PCDH15: variants seen among roughly 807,000 people sequenced by gnomAD.
The protein encoded by PCDH15 is protocadherin-15.
PCDH15 carries 129 observed loss-of-function variants against 178.5 expected under a neutral mutation model. The observed-to-expected ratio is 0.72, with a 90% CI of 0.63 to 0.84. The LOEUF (loss-of-function observed/expected upper bound fraction) is 0.84. Ranked by LOEUF, PCDH15 falls within the 40% of genes least tolerant of loss-of-function variation. The pLI, the probability that PCDH15 is intolerant of heterozygous loss-of-function variation, is 0.00. For missense variants in PCDH15, 2,230 were observed against 2,099.9 expected (o/e 1.06, Z -1.21); for synonymous variants, 800 against 732.0 (o/e 1.09, Z -1.50).
intron 8 of PCDH15, among the ~76,000 whole-genome samples, chr10:54,240,164 G>C (rs1020253029): frequency 6.6e-6 from 1 of 151,930 alleles, no homozygotes; most frequent in Non-Finnish European, 1.5e-5. Context: ...ATTCATATAA[G>C]CAAGAACAAC....
intron 2 of PCDH15, among the ~76,000 whole-genome samples, chr10:54,618,167 A>G (rs2093240180): frequency 6.6e-6 from 1 of 152,116 alleles, no homozygotes; most frequent in Admixed American, 6.6e-5. Context: ...TTTTCTATAG[A>G]CAAAGTATGT....
At chr10:54,307,745 A>C (rs1002227910) in intron 8 of PCDH15, among the ~76,000 whole-genome samples, 5 of 152,026 alleles carry the variant, frequency 3.3e-5, no homozygotes, top group Non-Finnish European at 7.4e-5. Context: ...AAAATCCAAA[A>C]TAATACTGAA....
chr10:55,397,830 C>T (rs1837966687), intron 2 of PCDH15, among the ~76,000 whole-genome samples: 1 of 151,770 alleles, frequency 6.6e-6, no homozygotes, highest in Admixed American at 6.6e-5. Flanking sequence ...ACCTCATGAT[C>T]CGCCCGCCTC....
At position 54,369,151 on chromosome 10, in the gene PCDH15, T is replaced by G; in HGVS notation, c.443A>C (p.Lys148Thr). Residue 148 changes from lysine (K) to threonine (T), a missense_variant, in exon 5 of 38, where the codon AAG becomes ACG. Physicochemically the swap from Lys to Thr is moderately conservative, Grantham distance 78. Coordinates refer to ENST00000644397, the MANE Select transcript of PCDH15 (RefSeq NM_001384140.1). The part of the protein sequence containing the change: ...RDRNDNSPTF[K>T]HESYYATVNE... Reference sequence around the variant, plus strand: ...CACTGTGGCATAGTAGCTTTCATGCTTGAAAGTGGGTGAGTTGTCATTCCT... The same window carrying G: ...CACTGTGGCATAGTAGCTTTCATGCGTGAAAGTGGGTGAGTTGTCATTCCT... The G allele has an allele frequency of 6.2e-7, 1 of 1,613,046 alleles. No individual in the cohort carries two copies. The highest frequency in any genetic ancestry group is 1.1e-5 in the South Asian group (1 of 91,056).
At chr10:54,110,235 G>A (rs1170433415) in intron 15 of PCDH15, among the ~76,000 whole-genome samples, 1 of 150,660 alleles carries the variant, frequency 6.6e-6, no homozygotes, top group Non-Finnish European at 1.5e-5. Context: ...GTTTAACCCA[G>A]TGACATTTAC....
intron 18 of PCDH15, among the ~76,000 whole-genome samples, chr10:54,031,697 C>G (rs760290422): frequency 1.3e-5 from 2 of 152,038 alleles, no homozygotes; most frequent in Admixed American, 6.6e-5. Context: ...ACTAAGTAAG[C>G]ATTAGGAAGA....
chr10:54,739,389 G>A (rs571701318), intron 1 of PCDH15, among the ~76,000 whole-genome samples: 1 of 151,712 alleles, frequency 6.6e-6, no homozygotes, highest in South Asian at 2.1e-4. Context: ...ATCTTTACTG[G>A]AAAACTGGAA....
intron 3 of PCDH15, among the ~76,000 whole-genome samples, chr10:54,398,231 TA>T (rs111478385): frequency 0.045 from 6,771 of 151,236 alleles, 491 homozygotes; most frequent in African/African-American, 0.15. Context: ...CTTGCTTGTT[TA>T]AAAAAAAATT....
intron 2 of PCDH15, among the ~76,000 whole-genome samples, chr10:54,612,266 G>A (rs2092986776): frequency 6.6e-6 from 1 of 151,752 alleles, no homozygotes; most frequent in Admixed American, 6.6e-5. Flanking sequence ...AGTGAAATAA[G>A]GGACATATCT....
intron 2 of PCDH15, among the ~76,000 whole-genome samples, chr10:55,525,605 T>A (rs1316796283): frequency 6.6e-6 from 1 of 151,892 alleles, no homozygotes; most frequent in African/African-American, 2.4e-5. Context: ...TTCTTGTAAG[T>A]TGAAAGACTC....
At chr10:55,154,995 A>G (rs1000956962) in intron 2 of PCDH15, among the ~76,000 whole-genome samples, 98 of 152,238 alleles carry the variant, frequency 6.4e-4, no homozygotes, top group African/African-American at 2.2e-3. Flanking sequence ...TAAAGCAACT[A>G]TTTTTAGTTC....
rs919418504 is a variant in PCDH15 at position 55,567,538 on chromosome 10, T to C, written c.-156+60087A>G. Among the ~76,000 whole-genome samples the C allele has an allele frequency of 4.6e-5, 7 of 151,452 alleles. No individual in the cohort carries two copies. In the East Asian group the frequency reaches 5.8e-4, roughly 13 times the overall value. On this transcript the variant is annotated intron_variant, in intron 2 of 5. Transcript: ENST00000613346. ...TGGAAGAAAATATTTGCAGAACATA[T>C]ATCTAGTAAAGGATTAATATTCAGA...
chr10:55,082,867 T>C (rs114745327), intron 2 of PCDH15, among the ~76,000 whole-genome samples: 2,375 of 151,878 alleles, frequency 0.016, 66 homozygotes, highest in African/African-American at 0.054. Context: ...AAAACCTTAA[T>C]AGGCCAATAG....
intron 2 of PCDH15, among the ~76,000 whole-genome samples, chr10:55,437,192 G>A (rs1296857264): frequency 1.3e-5 from 2 of 149,590 alleles, no homozygotes; most frequent in Non-Finnish European, 3.0e-5. Context: ...ATTTACAGAG[G>A]AAGCAGGAGA....
intron 4 of PCDH15, among the ~76,000 whole-genome samples, chr10:54,371,615 T>C (rs1410968727): frequency 6.6e-6 from 1 of 151,824 alleles, no homozygotes; most frequent in Admixed American, 6.6e-5. Context: ...GGGCTTCTCT[T>C]AATCCAAATT....
At chr10:55,111,893 T>C (rs1837517147) in intron 2 of PCDH15, among the ~76,000 whole-genome samples, 1 of 152,166 alleles carries the variant, frequency 6.6e-6, no homozygotes, top group Non-Finnish European at 1.5e-5. Context: ...TTTTTCAAAT[T>C]GCTGTTTCAC....
chr10:55,310,940 A>G (rs1843570102), intron 1 of PCDH15, among the ~76,000 whole-genome samples: 1 of 152,172 alleles, frequency 6.6e-6, no homozygotes, highest in African/African-American at 2.4e-5. Context: ...AGGTTGATGG[A>G]TGCAGAAAAT....
At chr10:54,053,606 A>G (rs2093823668) in intron 18 of PCDH15, among the ~76,000 whole-genome samples, 1 of 152,204 alleles carries the variant, frequency 6.6e-6, no homozygotes, top group Admixed American at 6.5e-5. Context: ...AGTTATCTTT[A>G]AAAAATGGAG....
intron 3 of PCDH15, among the ~76,000 whole-genome samples, chr10:54,401,037 G>A (rs536477514): frequency 1.3e-5 from 2 of 151,848 alleles, no homozygotes; most frequent in Admixed American, 6.6e-5. Context: ...ATGTATTTTC[G>A]AAACCATTCA....
Sources: allele counts gnomAD v4.1 joint callset (sites outside exome capture counted in the v4.1 genomes callset), GRCh38; gene constraint gnomAD v4.1.1; transcripts MANE v1.5; gene names NCBI Gene and HGNC (gene_info 2026-07-23, HGNC 2026-07-21).